The following BTAF1 variants were observed in gnomAD, a reference collection of about 807,000 sequenced individuals.
The protein encoded by BTAF1 is B-TFIID TATA-box binding protein associated factor 1, also known as TATA-binding protein-associated factor 172.
In BTAF1, 38 loss-of-function variants were observed where a neutral mutation model predicts 227.1. That is an observed-to-expected ratio of 0.17 (90% confidence interval 0.13 to 0.22). The LOEUF (loss-of-function observed/expected upper bound fraction) is 0.22. Among genes scored for constraint, BTAF1 ranks in the 10% least tolerant of loss-of-function variants. BTAF1 has a pLI of 1.00. For missense variants in BTAF1, 1,598 were observed against 2,204.0 expected (o/e 0.73, Z 5.51); for synonymous variants, 742 against 751.9 (o/e 0.99, Z 0.21).
rs2134012955 is a variant in BTAF1, at chr10:91,989,302, T to C, written c.2576T>C (p.Phe859Ser). The C allele has an allele frequency of 6.2e-7, 1 of 1,614,190 alleles. No individual in the cohort carries two copies. The highest frequency in any genetic ancestry group is 8.5e-7 in the Non-Finnish European group (1 of 1,180,034). Reference sequence around the variant, plus strand: ...GTGTTGCAGTTGAGAGTGCATACTTTTGCTGCCTGTGCAGTTGTGAGCTTG... The same window carrying C: ...GTGTTGCAGTTGAGAGTGCATACTTCTGCTGCCTGTGCAGTTGTGAGCTTG... ...WQVLQLRVHT[F>S]AACAVVSLQQ... Residue 859 changes from phenylalanine to serine, a missense_variant, in exon 20 of 38, where the codon TTT (phenylalanine) becomes TCT (serine). Physicochemically the swap from Phe to Ser is radical, Grantham distance 155. Coordinates refer to ENST00000265990, the MANE Select transcript of BTAF1 (RefSeq NM_003972.3).
intron 21 of BTAF1, 125 bp from the exon 22 acceptor site, chr10:91,993,569 T>G (rs1482533229): frequency 1.3e-6 from 1 of 747,908 alleles, no homozygotes; most frequent in East Asian, 3.1e-5. Context: ...GTCTAATAAT[T>G]GCTTACTTGG....
chr10:91,936,158 A>G (rs1173522073), intron 2 of BTAF1, among the ~76,000 whole-genome samples: 2 of 152,176 alleles, frequency 1.3e-5, no homozygotes, highest in African/African-American at 4.8e-5. Flanking sequence ...GTCTTGTTAC[A>G]TTCTAAGTTA....
At chr10:92,014,833 C>G (rs1447464259) in intron 32 of BTAF1, among the ~76,000 whole-genome samples, 1 of 152,224 alleles carries the variant, frequency 6.6e-6, no homozygotes. Flanking sequence ...TGTACTTACA[C>G]ACACCTAGAT....
chr10:91,946,138 C>G (rs1845345766), intron 4 of BTAF1, among the ~76,000 whole-genome samples: 1 of 152,150 alleles, frequency 6.6e-6, no homozygotes, highest in Non-Finnish European at 1.5e-5. Flanking sequence ...GGCGGGTGAT[C>G]ACCTGAGGTC....
chr10:92,017,851 A>G (rs1850850755), intron 33 of BTAF1, among the ~76,000 whole-genome samples: 1 of 152,144 alleles, frequency 6.6e-6, no homozygotes, highest in South Asian at 2.1e-4. Context: ...CACTGTCTTG[A>G]GCCTTGCCAA....
chr10:91,963,918 T>TA (rs1846704254), intron 12 of BTAF1, among the ~76,000 whole-genome samples, 159 bp from the exon 13 acceptor site: 2 of 152,218 alleles, frequency 1.3e-5, no homozygotes, highest in Admixed American at 1.3e-4. Context: ...TAAAGGCAAA[T>TA]AGTGTGACCT....
intron 34 of BTAF1, 22 bp from the exon 35 acceptor site, chr10:92,024,732 GTT>G (rs1554870028): frequency 2.7e-5 from 34 of 1,267,416 alleles, no homozygotes; most frequent in African/African-American, 1.3e-4. Flanking sequence ...CGCTTATGTA[GTT>G]TTTTTTTTTT....
rs1418533264 is a variant in BTAF1 at position 92,024,753 on chromosome 10, A to G, written c.4864-3A>G. ...TGTAGTTTTTTTTTTTTTTCTTCCTAAGTTGCTGTTGGACTGCGGTTTGGG... is the reference window on the plus strand; with the variant it reads ...TGTAGTTTTTTTTTTTTTTCTTCCTGAGTTGCTGTTGGACTGCGGTTTGGG... On this transcript the variant is annotated splice_polypyrimidine_tract_variant and splice_region_variant and intron_variant, in intron 34 of 37. Transcript: ENST00000265990. The G allele has an allele frequency of 9.6e-7, 1 of 1,044,098 alleles. No individual in the cohort carries two copies. The highest frequency in any genetic ancestry group is 3.7e-5 in the Admixed American group (1 of 26,800). 64.7% of individuals were successfully genotyped at this position (1,044,098 alleles called of 1,614,324 possible).
chr10:91,959,740 G>GTGTGTA (rs1239373067), intron 9 of BTAF1, 45 bp from the exon 10 acceptor site: 63 of 226,514 alleles, frequency 2.8e-4, no homozygotes, highest in East Asian at 4.4e-4. Flanking sequence ...GTGTGTGTGT[G>GTGTGTA]TATATATATA....
chr10:92,021,164 T>G (rs1490765895), intron 34 of BTAF1, among the ~76,000 whole-genome samples: 1 of 152,228 alleles, frequency 6.6e-6, no homozygotes, highest in Non-Finnish European at 1.5e-5. Flanking sequence ...TTTCTAAAAA[T>G]CTGTTGGTAG....
chr10:91,925,861 G>A lies in BTAF1; in HGVS notation c.14+1771G>A, dbSNP rs12218964. 1.0e-3 allele frequency among the ~76,000 whole-genome samples: 156 copies of A among 152,316 alleles called. 1 individual carries two copies. The East Asian group carries it at 0.029, about 28-fold the overall frequency. ...GGACAGTTAATATTTCTCAATGACTGAGTGGGTTTTGAAGGTACTGTCTTT... is the reference window on the plus strand; with the variant it reads ...GGACAGTTAATATTTCTCAATGACTAAGTGGGTTTTGAAGGTACTGTCTTT... On this transcript the variant is annotated intron_variant, in intron 1 of 37. Transcript: ENST00000265990.
At chr10:92,005,027 T>C (rs946372336) in intron 25 of BTAF1, among the ~76,000 whole-genome samples, 3 of 152,198 alleles carry the variant, frequency 2.0e-5, no homozygotes, top group African/African-American at 7.2e-5. Context: ...GTGTGTTCTT[T>C]TGTCAAAGAT....
chr10:92,014,820 G>A (rs1459336511), intron 32 of BTAF1, among the ~76,000 whole-genome samples: 14 of 152,154 alleles, frequency 9.2e-5, no homozygotes, highest in Admixed American at 9.2e-4. Context: ...AAACATCATA[G>A]AGTGTACTTA....
At chr10:91,995,459 G>A (rs1277163426) in intron 23 of BTAF1, among the ~76,000 whole-genome samples, 1 of 151,576 alleles carries the variant, frequency 6.6e-6, no homozygotes, top group Non-Finnish European at 1.5e-5. Context: ...GGTGAATCAC[G>A]AGGTCAGGAG....
chr10:92,027,881 C>G (rs1229836372), intron 37 of BTAF1, among the ~76,000 whole-genome samples: 1 of 152,062 alleles, frequency 6.6e-6, no homozygotes, highest in Non-Finnish European at 1.5e-5. Context: ...TTCAGAAAAT[C>G]CACTGCATAC....
chr10:91,975,296 G>A (rs994286811), intron 14 of BTAF1, among the ~76,000 whole-genome samples: 3 of 152,220 alleles, frequency 2.0e-5, no homozygotes, highest in East Asian at 3.9e-4. Context: ...GCATAATTTC[G>A]AATGTTAGAA....
rs566800837 is a variant in BTAF1, at chr10:91,994,004, C to T, written c.3199+157C>T. On this transcript the variant is annotated intron_variant, in intron 22 of 37. Coordinates refer to ENST00000265990, the MANE Select transcript of BTAF1 (RefSeq NM_003972.3). ...GGAAACTTGGTTTAAAAAAAACACA[C>T]ACCTTTATTTTATAAAAGAGATATT... Among the ~76,000 whole-genome samples the T allele has an allele frequency of 5.3e-5, 8 of 152,250 alleles. No homozygotes were observed. In the East Asian group the frequency reaches 9.6e-4, roughly 18 times the overall value.
Position 91,968,290 on chromosome 10 carries a change from G to A in BTAF1, c.1650+1533G>A, listed in dbSNP as rs564582972. On this transcript the variant is annotated intron_variant, in intron 14 of 37. Coordinates refer to ENST00000265990, the MANE Select transcript of BTAF1 (RefSeq NM_003972.3). The stretch of plus-strand genomic sequence containing the variant: ...TGTCTTTTCCAAAATATCACATAGT[G>A]GAATCATATAGTATGCTGCCTTTTC... Among the ~76,000 whole-genome samples, 10 of 152,164 alleles carry A rather than the reference G, an allele frequency of 6.6e-5. No homozygotes were observed. In the East Asian group the frequency reaches 1.7e-3, roughly 26 times the overall value.
chr10:91,977,690 T>C (rs981052687), intron 14 of BTAF1, among the ~76,000 whole-genome samples: 1 of 152,134 alleles, frequency 6.6e-6, no homozygotes, highest in African/African-American at 2.4e-5. Context: ...CAGCAATGAG[T>C]GAGAGTTCCT....
Sources: allele counts gnomAD v4.1 joint callset (sites outside exome capture counted in the v4.1 genomes callset), GRCh38; gene constraint gnomAD v4.1.1; transcripts MANE v1.5; gene names NCBI Gene and HGNC (gene_info 2026-07-23, HGNC 2026-07-21).